The following SPTBN5 variants were observed in gnomAD, a reference collection of about 807,000 sequenced individuals.
The protein encoded by SPTBN5 is spectrin beta, non-erythrocytic 5.
SPTBN5 carries 513 observed loss-of-function variants against 477.6 expected under a neutral mutation model. That is an observed-to-expected ratio of 1.07 (90% CI 1.00 to 1.16). The LOEUF (loss-of-function observed/expected upper bound fraction) is 1.16. Among genes scored for constraint, SPTBN5 ranks in the 50% most tolerant of loss-of-function variants. The pLI is 0.00. For synonymous variants in SPTBN5, 2,169 were observed against 2,011.7 expected (o/e 1.08, Z -2.09); for missense variants, 5,062 against 4,731.8 (o/e 1.07, Z -2.05).
rs759071040 is a variant in SPTBN5 at position 41,882,567 on chromosome 15, C to T, written c.2046+18G>A. ...GCAAGGCGCTGGCGACCGGCGGGCG[C>T]GCTCGGGGAGCTGACACCTTGTGTT... On this transcript the variant is annotated intron_variant, in intron 10 of 67. Coordinates refer to ENST00000320955, the MANE Select transcript of SPTBN5 (RefSeq NM_016642.4). 2 of 1,584,854 alleles carry T rather than the reference C, an allele frequency of 1.3e-6. No homozygotes were observed. The highest frequency in any genetic ancestry group is 1.7e-6 in the Non-Finnish European group (2 of 1,168,334).
intron 22 of SPTBN5, 33 bp downstream of exon 22, chr15:41,875,425 C>T: frequency 6.2e-7 from 1 of 1,601,050 alleles, no homozygotes; most frequent in South Asian, 1.1e-5. Flanking sequence ...GCCTCCGTCT[C>T]CCTCTTGTGC....
chr15:41,850,605 G>C (rs1198267479), intron 66 of SPTBN5: 2 of 533,036 alleles, frequency 3.8e-6, no homozygotes, highest in African/African-American at 1.9e-5. Flanking sequence ...AAAAGGGGCA[G>C]AACAGGACCA....
chr15:41,884,828 T>G (rs1482151122), intron 7 of SPTBN5, among the ~76,000 whole-genome samples: 3 of 152,270 alleles, frequency 2.0e-5, no homozygotes, highest in East Asian at 3.9e-4. Context: ...TCCAGGCTAT[T>G]TTTCAAACCT....
rs1386603687 is a variant in SPTBN5, at chr15:41,876,227, C to T, written c.4009G>A (p.Ala1337Thr). 8.1e-6 allele frequency: 13 copies of T among 1,602,234 alleles called. No individual in the cohort carries two copies. Among genetic ancestry groups the T allele is most frequent in the Non-Finnish European group, 1.0e-5 (12 of 1,178,010 alleles). ...CGCGCTCCGGAGGGCTCATGCGCAG[C>T]CATCAGCCCCTTCTCTTCCATCCAC... Reference protein sequence around the residue: ...MQWMEEKGLMAAHEPSGARRN... With the variant: ...MQWMEEKGLMTAHEPSGARRN... The change falls in exon 21 of 68, where the codon GCT (alanine) becomes ACT (threonine). Residue 1337 changes from alanine (A) to threonine (T), a missense_variant. Transcript: ENST00000320955.
chr15:41,881,111 C>T lies in SPTBN5; in HGVS notation c.2581G>A (p.Asp861Asn), dbSNP rs1215183856. 6.8e-6 allele frequency: 11 copies of T among 1,613,206 alleles called. No individual in the cohort carries two copies. The highest frequency in any genetic ancestry group is 8.5e-6 in the Non-Finnish European group (10 of 1,179,696). The change falls in exon 13 of 68, where the codon GAC becomes AAC. Residue 861 changes from aspartate to asparagine, a missense_variant. Coordinates refer to ENST00000320955, the MANE Select transcript of SPTBN5 (RefSeq NM_016642.4). The stretch of plus-strand genomic sequence containing the variant: ...TGGAGTATAGTGTTGGGATCAAAGT[C>T]AGGGTCAGGCTCAGCTGGGAGGGCC... ...KMALPAEPDP[D>N]FDPNTILQTQ...
At chr15:41,862,732 G>C (rs2066157148) in intron 42 of SPTBN5, 58 bp downstream of exon 42, 7 of 1,542,910 alleles carry the variant, frequency 4.5e-6, no homozygotes, top group Middle Eastern at 1.7e-4. Flanking sequence ...CTCCCCACTT[G>C]TGCCCAGGGT....
intron 25 of SPTBN5, 96 bp from the exon 26 acceptor site, chr15:41,873,704 C>A: frequency 6.9e-7 from 1 of 1,448,740 alleles, no homozygotes; most frequent in South Asian, 1.2e-5. Flanking sequence ...ATCAAAGGGG[C>A]TTCTGTGCCC....
At chr15:41,851,253 T>C in intron 64 of SPTBN5, 30 bp downstream of exon 64, 1 of 1,552,456 alleles carries the variant, frequency 6.4e-7, no homozygotes, top group Non-Finnish European at 8.7e-7. Context: ...AGCACCCTGA[T>C]GTCTGCATCT....
rs922603449 is a variant in SPTBN5, at chr15:41,849,766, AGAGT to A, written c.11012+99_11012+102del. 5.7e-6 allele frequency: 5 copies of A among 882,980 alleles called. No individual in the cohort carries two copies. The African/African-American group carries it at 8.3e-5, about 15-fold the overall frequency. The allele number at this position is 882,980 out of a possible 1,614,324, so 54.7% of individuals were successfully genotyped here. On this transcript the variant is annotated intron_variant, in intron 67 of 67. Coordinates refer to ENST00000320955, the MANE Select transcript of SPTBN5 (RefSeq NM_016642.4). ...CAATAGCATTTCCCTACAGCCCAAC[AGAGT>A]AAGTCTGAGGCCCAGAACCTCAGGC...
intron 4 of SPTBN5, among the ~76,000 whole-genome samples, chr15:41,889,275 C>G (rs1359111240): frequency 6.6e-6 from 1 of 152,234 alleles, no homozygotes; most frequent in Non-Finnish European, 1.5e-5. Context: ...CCTGAGTTTC[C>G]AGGCCATCCT....
In SPTBN5 at chr15:41,851,859, G is replaced by T. The variant is rs2065776206; in HGVS notation, c.10585-9C>A. On this transcript the variant is annotated splice_polypyrimidine_tract_variant and intron_variant, in intron 62 of 67. Transcript: ENST00000320955. ...GGGGTACCCTTTGCATCCTGAAAAT[G>T]CAAGATGGGGCCCAGAAATGTCAGG... 6.2e-7 allele frequency: 1 copy of T among 1,607,052 alleles called. No individual in the cohort carries two copies. Among genetic ancestry groups the T allele is most frequent in the Non-Finnish European group, 8.5e-7 (1 of 1,177,102 alleles).
At chr15:41,875,391 C>A in intron 22 of SPTBN5, 67 bp downstream of exon 22, 1 of 1,529,238 alleles carries the variant, frequency 6.5e-7, no homozygotes, top group East Asian at 2.4e-5. Context: ...ACTTCTCCCT[C>A]CCCGTTCTGT....
chr15:41,882,312 AC>A lies in SPTBN5; in HGVS notation c.2203del (p.Val735TrpfsTer50). The A allele has an allele frequency of 7.8e-7, 1 of 1,282,750 alleles. No homozygotes were observed. The highest frequency in any genetic ancestry group is 1.3e-5 in the South Asian group (1 of 79,964). 79.5% of individuals were successfully genotyped at this position (1,282,750 alleles called of 1,614,324 possible). ...TGTCTGCAGCCGTGCGCCCCGCCCC[AC>A]CACCCGGGTCTGGAGCAGCTGCCAC... ...GGWQLLQTRV[V>X]GRGARLQTAL... On this transcript the variant is annotated frameshift_variant, in exon 11 of 68. Coordinates refer to ENST00000320955, the MANE Select transcript of SPTBN5 (RefSeq NM_016642.4). LOFTEE classifies it high-confidence loss of function.
chr15:41,851,581 T>TGGCGGGGG (rs138547502), intron 63 of SPTBN5, among the ~76,000 whole-genome samples, 198 bp downstream of exon 63: 2 of 120,010 alleles, frequency 1.7e-5, no homozygotes, highest in Non-Finnish European at 3.4e-5. Flanking sequence ...CAGCACCTCC[T>TGGCGGGGG]GGTGGGGGTG....
At position 41,856,461 on chromosome 15, in the gene SPTBN5, G is replaced by T; in HGVS notation, c.8946C>A (p.Ala2982=). The change falls in exon 53 of 68, where the codon GCC becomes GCA. Residue 2982 remains alanine, a synonymous_variant. Transcript: ENST00000320955. ...ARVQQLEKAM[A]HLRAEAARRR... The stretch of plus-strand genomic sequence containing the variant: ...TCCGCGCCGCCTCTGCCCGCAGGTG[G>T]GCCATGGCCTTCTCCAGCTGCTGCA... The T allele has an allele frequency of 1.9e-6, 3 of 1,596,890 alleles. No individual in the cohort carries two copies. The highest frequency in any genetic ancestry group is 2.6e-6 in the Non-Finnish European group (3 of 1,172,970).
At chr15:41,862,506 G>A (rs1045923353) in intron 43 of SPTBN5, 33 bp downstream of exon 43, 11 of 1,572,456 alleles carry the variant, frequency 7.0e-6, no homozygotes, top group Non-Finnish European at 9.5e-6. Flanking sequence ...GCTGGAGGAT[G>A]GGTCGGCGAG....
In SPTBN5 at chr15:41,848,644, A is replaced by G; in HGVS notation, c.11013-16T>C. The G allele has an allele frequency of 6.2e-7, 1 of 1,613,716 alleles. No individual in the cohort carries two copies. Among genetic ancestry groups the G allele is most frequent in the Non-Finnish European group, 8.5e-7 (1 of 1,179,764 alleles). ...GGGATCAGACCTGTTGGGAAAACGG[A>G]ATGAATTTAGTAGGGTATGGCCACC... On this transcript the variant is annotated splice_polypyrimidine_tract_variant and intron_variant, in intron 67 of 67. Transcript: ENST00000320955.
chr15:41,887,953 A>G lies in SPTBN5; in HGVS notation c.634T>C (p.Phe212Leu). Residue 212 changes from phenylalanine (F) to leucine (L), a missense_variant, in exon 5 of 68, where the codon TTC becomes CTC. Physicochemically the swap from Phe to Leu is conservative, Grantham distance 22. Transcript: ENST00000320955. Reference sequence around the variant, plus strand: ...CTGTGGGCATGGATGAGGGCATTGAAGCCCAGCCCATCGCTCCAGCTTCGG... The same window carrying G: ...CTGTGGGCATGGATGAGGGCATTGAGGCCCAGCCCATCGCTCCAGCTTCGG... Reference protein sequence around the residue: ...FSRSWSDGLGFNALIHAHRPD... With the variant: ...FSRSWSDGLGLNALIHAHRPD... 1 of 1,609,924 alleles carries G rather than the reference A, an allele frequency of 6.2e-7. No individual in the cohort carries two copies. Among genetic ancestry groups the G allele is most frequent in the Non-Finnish European group, 8.5e-7 (1 of 1,178,450 alleles).
At chr15:41,882,908 A>C in intron 9 of SPTBN5, 88 bp downstream of exon 9, 1 of 1,382,698 alleles carries the variant, frequency 7.2e-7, no homozygotes, top group Non-Finnish European at 9.8e-7. Flanking sequence ...GAAAACTGGC[A>C]GGCCAACAGT....
Sources: gnomAD v4.1 joint callset for allele counts (sites outside exome capture counted in the v4.1 genomes callset) on GRCh38, gnomAD v4.1.1 for gene constraint, MANE v1.5 for transcripts, NCBI Gene and HGNC (gene_info 2026-07-23, HGNC 2026-07-21) for gene names.